Variants in AP3B1 observed in about 807,000 individuals in gnomAD.
AP3B1 encodes the protein AP-3 complex subunit beta-1.
AP3B1 carries 61 observed loss-of-function variants against 132.5 expected under a neutral mutation model. The ratio of observed to expected loss-of-function variants is 0.46; its 90% CI spans 0.37 to 0.57. The LOEUF (loss-of-function observed/expected upper bound fraction) is 0.57, where lower values mean the gene tolerates loss of function less well. Among genes scored for constraint, AP3B1 ranks in the 20% least tolerant of loss-of-function variants. The probability of loss-of-function intolerance (pLI) is 0.00; values close to 1 mark genes in which losing one functional copy is unlikely to be tolerated. For missense variants in AP3B1, 1,120 were observed against 1,289.4 expected (o/e 0.87, Z 2.01); for synonymous variants, 388 against 438.3 (o/e 0.89, Z 1.43).
intron 7 of AP3B1, among the ~76,000 whole-genome samples, chr5:78,200,286 C>T (rs1242291973): frequency 6.6e-6 from 1 of 151,822 alleles, no homozygotes; most frequent in African/African-American, 2.4e-5. Flanking sequence ...CAAGGAGGCT[C>T]CAACCTTGAT....
chr5:78,157,051 T>C (rs1743178259), intron 13 of AP3B1, among the ~76,000 whole-genome samples: 1 of 152,064 alleles, frequency 6.6e-6, no homozygotes, highest in Non-Finnish European at 1.5e-5. Flanking sequence ...ATAGCTGTGT[T>C]TAGTCAATAG....
At chr5:78,089,546 C>T (rs1387754616) in intron 21 of AP3B1, 47 bp from the exon 22 acceptor site, 1 of 1,229,670 alleles carries the variant, frequency 8.1e-7, no homozygotes, top group Non-Finnish European at 1.2e-6. Flanking sequence ...ACGTTTAATT[C>T]AAATTATTAA....
chr5:78,168,489 C>A (rs146131947), intron 11 of AP3B1, among the ~76,000 whole-genome samples: 23 of 152,008 alleles, frequency 1.5e-4, no homozygotes, highest in African/African-American at 5.1e-4. Context: ...CTCCCAAAGT[C>A]CTAGGATTAT....
At chr5:78,125,202 A>G (rs1331687569) in intron 17 of AP3B1, among the ~76,000 whole-genome samples, 1 of 152,198 alleles carries the variant, frequency 6.6e-6, no homozygotes, top group East Asian at 1.9e-4. Context: ...TCTAGAACTA[A>G]GCAAATAAAT....
intron 12 of AP3B1, among the ~76,000 whole-genome samples, chr5:78,163,623 A>AT (rs1397551368): frequency 2.7e-4 from 39 of 146,882 alleles, no homozygotes; most frequent in African/African-American, 9.0e-4. Flanking sequence ...GTGTATATAT[A>AT]GTATATATAT....
At chr5:78,101,959 G>A (rs1751145640) in intron 20 of AP3B1, among the ~76,000 whole-genome samples, 1 of 151,850 alleles carries the variant, frequency 6.6e-6, no homozygotes, top group African/African-American at 2.4e-5. Context: ...CTACTAAAAT[G>A]TTTTTGTTTA....
At position 78,177,325 on chromosome 5, in the gene AP3B1, A is replaced by T. The variant is rs1355146687; in HGVS notation, c.1040+14T>A. 7.6e-6 allele frequency: 12 copies of T among 1,571,676 alleles called. No individual in the cohort carries two copies. The highest frequency in any genetic ancestry group is 8.7e-6 in the Non-Finnish European group (10 of 1,143,446). On this transcript the variant is annotated intron_variant, in intron 9 of 26. Transcript: ENST00000255194. ...GAATACAAAAGAAAAAATATATATA[A>T]AATCATGACCTACCTATTGCTACGA...
intron 26 of AP3B1, among the ~76,000 whole-genome samples, chr5:78,009,505 GAATTA>G (rs1170859461): frequency 6.6e-6 from 1 of 151,696 alleles, no homozygotes; most frequent in Non-Finnish European, 1.5e-5. Context: ...ACCTGTACTT[GAATTA>G]AATAATAAGA....
At chr5:78,137,743 GCTAA>G (rs1752978596) in intron 15 of AP3B1, among the ~76,000 whole-genome samples, 1 of 152,098 alleles carries the variant, frequency 6.6e-6, no homozygotes. Context: ...AAAACAGACT[GCTAA>G]CTAATTTTTA....
intron 14 of AP3B1, among the ~76,000 whole-genome samples, chr5:78,152,177 A>G (rs889565766): frequency 3.6e-5 from 5 of 137,364 alleles, no homozygotes; most frequent in Non-Finnish European, 7.8e-5. Context: ...TTTCGGTATC[A>G]GGGTAACAAT....
intron 14 of AP3B1, among the ~76,000 whole-genome samples, chr5:78,143,572 G>A (rs1388499287): frequency 7.2e-5 from 11 of 152,156 alleles, no homozygotes; most frequent in Admixed American, 1.3e-4. Flanking sequence ...GATGGGATCA[G>A]AATACTAAGA....
intron 7 of AP3B1, among the ~76,000 whole-genome samples, chr5:78,204,652 T>C (rs1250732455): frequency 6.6e-6 from 1 of 152,204 alleles, no homozygotes; most frequent in Non-Finnish European, 1.5e-5. Flanking sequence ...TAATTTGTTC[T>C]GAGGGAGTTA....
chr5:78,200,542 C>T (rs898008463), intron 7 of AP3B1, among the ~76,000 whole-genome samples: 1 of 152,042 alleles, frequency 6.6e-6, no homozygotes, highest in African/African-American at 2.4e-5. Flanking sequence ...GCCTGTAGTC[C>T]TAGCTACTTG....
intron 1 of AP3B1, among the ~76,000 whole-genome samples, chr5:78,280,422 G>A (rs78548382): frequency 0.041 from 6,218 of 152,132 alleles, 159 homozygotes; most frequent in East Asian, 0.14. Context: ...AGTGTATTCC[G>A]TCCAAACAAT....
At chr5:78,022,256 G>A (rs1747137641) in intron 24 of AP3B1, among the ~76,000 whole-genome samples, 1 of 152,102 alleles carries the variant, frequency 6.6e-6, no homozygotes, top group Non-Finnish European at 1.5e-5. Context: ...AGTGAGATTG[G>A]CCCTTGAAGC....
chr5:78,052,100 T>C (rs1447991018), intron 22 of AP3B1, among the ~76,000 whole-genome samples: 1 of 152,168 alleles, frequency 6.6e-6, no homozygotes, highest in East Asian at 1.9e-4. Flanking sequence ...TTCCAGCAAA[T>C]ATTACTTCAA....
chr5:78,227,670 A>G (rs1217305811), intron 4 of AP3B1, 138 bp from the exon 5 acceptor site: 11 of 783,826 alleles, frequency 1.4e-5, no homozygotes, highest in Non-Finnish European at 2.1e-6. Flanking sequence ...AAAATGAACA[A>G]TTAGTATATA....
chr5:78,268,986 T>G (rs1379281928), intron 1 of AP3B1, among the ~76,000 whole-genome samples: 1 of 152,202 alleles, frequency 6.6e-6, no homozygotes, highest in South Asian at 2.1e-4. Context: ...ACCAAAACAG[T>G]AAAGATTTAG....
chr5:78,107,137 C>G (rs970427951), intron 20 of AP3B1, among the ~76,000 whole-genome samples: 1 of 152,132 alleles, frequency 6.6e-6, no homozygotes, highest in Non-Finnish European at 1.5e-5. Context: ...AACATTCACA[C>G]TTGGGTGTCA....
Sources: gnomAD v4.1 joint callset for allele counts (sites outside exome capture counted in the v4.1 genomes callset) on GRCh38, gnomAD v4.1.1 for gene constraint, MANE v1.5 for transcripts, NCBI Gene and HGNC (gene_info 2026-07-23, HGNC 2026-07-21) for gene names.